CDK14: variants seen among roughly 807,000 people sequenced by gnomAD.
CDK14 encodes the protein cyclin-dependent kinase 14.
CDK14 carries 34 observed loss-of-function variants against 60.7 expected under a neutral mutation model. The ratio of observed to expected loss-of-function variants is 0.56; its 90% CI spans 0.43 to 0.75. CDK14 has a LOEUF of 0.75. CDK14 is among the 30% of genes least tolerant of loss of function. The pLI is 0.00. For missense variants in CDK14, 482 were observed against 564.1 expected, an observed-to-expected ratio of 0.85 and a Z score of 1.47; for synonymous variants, 197 against 203.7, an observed-to-expected ratio of 0.97 and a Z score of 0.28.
At chr7:91,180,113 T>C (rs1801948484) in intron 14 of CDK14, among the ~76,000 whole-genome samples, 1 of 152,194 alleles carries the variant, frequency 6.6e-6, no homozygotes, top group South Asian at 2.1e-4. Flanking sequence ...TTGTAATGGA[T>C]TCAGTCTTCA....
At chr7:90,984,321 G>T in intron 10 of CDK14, 80 bp downstream of exon 10, 1 of 894,892 alleles carries the variant, frequency 1.1e-6, no homozygotes. Context: ...GCAGTCTGTG[G>T]AAAAATAATT....
At chr7:91,157,196 A>C (rs1801009788) in intron 14 of CDK14, among the ~76,000 whole-genome samples, 2 of 152,204 alleles carry the variant, frequency 1.3e-5, no homozygotes, top group Non-Finnish European at 2.9e-5. Context: ...ATTTCTTGCT[A>C]AAATTACGTC....
In CDK14 at chr7:91,079,432, A is replaced by G. The variant is rs781363070; in HGVS notation, c.1106A>G (p.Glu369Gly). 7 of 1,581,670 alleles carry G rather than the reference A, an allele frequency of 4.4e-6. No homozygotes were observed. The highest frequency in any genetic ancestry group is 3.5e-6 in the Non-Finnish European group (4 of 1,158,114). The change falls in exon 12 of 15, where the codon GAA becomes GGA. Residue 369 changes from glutamate to glycine, a missense_variant and splice_region_variant. Coordinates refer to ENST00000380050, the MANE Select transcript of CDK14 (RefSeq NM_001287135.2). ...TTATCATTTTTCTTTTTTATTTCAG[A>G]ACGCTTTACCCTGTACAGCTCTAAA... ...GVHSLPHFKP[E>G]RFTLYSSKNL...
intron 2 of CDK14, among the ~76,000 whole-genome samples, chr7:90,640,289 TA>T (rs1355723844): frequency 6.6e-6 from 1 of 152,136 alleles, no homozygotes; most frequent in Non-Finnish European, 1.5e-5. Flanking sequence ...TTATGTTTAA[TA>T]ACTATCACAG....
chr7:91,112,480 T>A, intron 12 of CDK14, 62 bp from the exon 13 acceptor site: 1 of 1,543,196 alleles, frequency 6.5e-7, no homozygotes, highest in Non-Finnish European at 8.8e-7. Context: ...AGGTAAGCTT[T>A]ATGTCTTATT....
At chr7:90,797,780 T>C (rs923727067) in intron 5 of CDK14, among the ~76,000 whole-genome samples, 2 of 151,774 alleles carry the variant, frequency 1.3e-5, no homozygotes, top group Non-Finnish European at 2.9e-5. Flanking sequence ...TCCTATACAC[T>C]CTTAAACAAC....
intron 14 of CDK14, among the ~76,000 whole-genome samples, chr7:91,195,915 C>T (rs1376034364): frequency 6.6e-6 from 1 of 152,214 alleles, no homozygotes; most frequent in Non-Finnish European, 1.5e-5. Context: ...GTGTCTCTGT[C>T]TGCATCTGTA....
At chr7:91,078,644 A>G (rs1228831386) in intron 11 of CDK14, among the ~76,000 whole-genome samples, 2 of 152,158 alleles carry the variant, frequency 1.3e-5, no homozygotes, top group African/African-American at 2.4e-5. Flanking sequence ...GATTTGAAGG[A>G]CTATCCAGTA....
chr7:91,132,821 A>G (rs776062853), intron 14 of CDK14, among the ~76,000 whole-genome samples: 3 of 152,170 alleles, frequency 2.0e-5, no homozygotes. Flanking sequence ...GGGAAAAATT[A>G]ATTTTGCTGG....
At chr7:90,635,049 G>A (rs1800104978) in intron 2 of CDK14, among the ~76,000 whole-genome samples, 1 of 152,260 alleles carries the variant, frequency 6.6e-6, no homozygotes, top group Non-Finnish European at 1.5e-5. Flanking sequence ...TGTCAGATGA[G>A]TAGGTTGTGA....
chr7:91,170,397 C>T (rs1333533560), intron 14 of CDK14, among the ~76,000 whole-genome samples: 2 of 151,980 alleles, frequency 1.3e-5, no homozygotes, highest in East Asian at 1.9e-4. Context: ...CAAGTGTGTC[C>T]GAATCTACTG....
At chr7:90,907,834 A>C (rs1403225720) in intron 7 of CDK14, among the ~76,000 whole-genome samples, 1 of 152,142 alleles carries the variant, frequency 6.6e-6, no homozygotes, top group African/African-American at 2.4e-5. Context: ...GAATTATGCT[A>C]TGCCAAATTA....
At chr7:90,672,502 G>GTTT (rs201978996) in intron 2 of CDK14, among the ~76,000 whole-genome samples, 21 of 49,994 alleles carry the variant, frequency 4.2e-4, no homozygotes, top group Admixed American at 7.1e-4. Context: ...TTCTTCTTCT[G>GTTT]TTTTTTTTTT....
intron 14 of CDK14, among the ~76,000 whole-genome samples, chr7:91,170,156 T>C (rs1230644553): frequency 6.6e-6 from 1 of 152,206 alleles, no homozygotes; most frequent in Non-Finnish European, 1.5e-5. Flanking sequence ...AGAGGTCAAA[T>C]AGTGATGCTA....
intron 6 of CDK14, among the ~76,000 whole-genome samples, chr7:90,892,278 C>G (rs1273136396): frequency 2.0e-5 from 3 of 152,128 alleles, no homozygotes. Flanking sequence ...TCTCTGTCCT[C>G]CTCTTTTAAA....
intron 4 of CDK14, among the ~76,000 whole-genome samples, chr7:90,781,668 T>C (rs988771694): frequency 9.9e-5 from 15 of 151,664 alleles, no homozygotes; most frequent in African/African-American, 2.9e-4. Context: ...ATGTATTAAA[T>C]AGGGAATCCT....
chr7:91,158,300 C>T (rs1801053714), intron 14 of CDK14, among the ~76,000 whole-genome samples: 1 of 151,828 alleles, frequency 6.6e-6, no homozygotes, highest in South Asian at 2.1e-4. Context: ...GCAGTCTCGA[C>T]CTCCCGCGCT....
intron 2 of CDK14, chr7:90,608,645 C>T (rs1032305085): frequency 3.8e-6 from 2 of 531,374 alleles, no homozygotes; most frequent in Admixed American, 1.3e-4. Context: ...ATGTTTATGG[C>T]ATATAATCCA....
intron 14 of CDK14, among the ~76,000 whole-genome samples, chr7:91,171,222 C>T (rs987671146): frequency 3.3e-5 from 5 of 151,802 alleles, no homozygotes; most frequent in South Asian, 4.2e-4. Context: ...TGGTGGCGGG[C>T]GCCTGTAATC....
Sources: gnomAD v4.1 joint callset for allele counts (sites outside exome capture counted in the v4.1 genomes callset) on GRCh38, gnomAD v4.1.1 for gene constraint, MANE v1.5 for transcripts, NCBI Gene and HGNC (gene_info 2026-07-23, HGNC 2026-07-21) for gene names.